PTPRN2: variants seen among roughly 807,000 people sequenced by gnomAD.
The protein encoded by PTPRN2 is protein tyrosine phosphatase receptor type N2.
A neutral mutation model predicts 118.8 loss-of-function variants in PTPRN2; 74 were observed. The observed-to-expected ratio is 0.62, with a 90% CI of 0.52 to 0.76. PTPRN2 has a LOEUF of 0.76. Ranked by LOEUF, PTPRN2 falls within the 30% of genes least tolerant of loss-of-function variation. The pLI is 0.00. For missense variants in PTPRN2, 1,481 were observed against 1,394.4 expected (o/e 1.06, Z -0.99); for synonymous variants, 641 against 608.0 (o/e 1.05, Z -0.80).
intron 2 of PTPRN2, among the ~76,000 whole-genome samples, chr7:158,450,419 CATAGAT>C (rs1318078668): frequency 6.6e-6 from 1 of 152,194 alleles, no homozygotes; most frequent in Non-Finnish European, 1.5e-5. Flanking sequence ...TTTTTAACCT[CATAGAT>C]ATAATAGAGA....
At chr7:158,421,731 C>T (rs1339030527) in intron 2 of PTPRN2, among the ~76,000 whole-genome samples, 11 of 152,218 alleles carry the variant, frequency 7.2e-5, no homozygotes, top group South Asian at 2.1e-4. Flanking sequence ...TTCTCCGCAG[C>T]ATGTTCTGGG....
chr7:157,714,097 A>G (rs1039512335), intron 12 of PTPRN2, among the ~76,000 whole-genome samples: 2 of 152,220 alleles, frequency 1.3e-5, no homozygotes, highest in African/African-American at 2.4e-5. Context: ...TGCTGACTAT[A>G]TGACGATGAC....
At position 158,525,160 on chromosome 7, in the gene PTPRN2, C is replaced by T. The variant is rs1020797501; in HGVS notation, c.113-35375G>A. On this transcript the variant is annotated intron_variant, in intron 1 of 22. Coordinates refer to ENST00000389418, the MANE Select transcript of PTPRN2 (RefSeq NM_002847.5). This position sits in a 1 kb window ranked among gnomAD's most constrained non-coding sequence, Gnocchi z 4.1. Reference sequence around the variant, plus strand: ...TGCACAGTGCTGGACTTCCCAGCTCCAGGCTCTGGAGCCGGCTGCAGAGCA... The same window carrying T: ...TGCACAGTGCTGGACTTCCCAGCTCTAGGCTCTGGAGCCGGCTGCAGAGCA... 2.6e-5 allele frequency among the ~76,000 whole-genome samples: 4 copies of T among 152,180 alleles called. No individual in the cohort carries two copies. The highest frequency in any genetic ancestry group is 9.7e-5 in the African/African-American group (4 of 41,446).
intron 2 of PTPRN2, among the ~76,000 whole-genome samples, chr7:158,329,706 T>C (rs1469026814): frequency 1.3e-5 from 2 of 152,268 alleles, no homozygotes; most frequent in Middle Eastern, 3.4e-3. Context: ...CGTATTATTA[T>C]CCCATTGACG....
intron 10 of PTPRN2, among the ~76,000 whole-genome samples, chr7:158,084,362 G>C (rs914915808): frequency 2.0e-5 from 3 of 151,730 alleles, no homozygotes; most frequent in Non-Finnish European, 4.4e-5. Context: ...CTTCTGGGTA[G>C]GGAGTGAGGT....
At chr7:158,321,256 C>T (rs765164894) in intron 2 of PTPRN2, among the ~76,000 whole-genome samples, 2 of 152,142 alleles carry the variant, frequency 1.3e-5, no homozygotes, top group African/African-American at 2.4e-5. Context: ...GCCTCACCGC[C>T]GACCATTTAA....
chr7:157,594,238 C>A (rs1276682013), intron 17 of PTPRN2, among the ~76,000 whole-genome samples: 1 of 152,158 alleles, frequency 6.6e-6, no homozygotes, highest in Non-Finnish European at 1.5e-5. Flanking sequence ...CGGAGTCACG[C>A]GAGGCTGACG....
intron 17 of PTPRN2, among the ~76,000 whole-genome samples, chr7:157,580,516 C>T (rs1293848745): frequency 1.1e-4 from 17 of 148,514 alleles, no homozygotes; most frequent in Non-Finnish European, 1.9e-4. Context: ...GGCACCTGCA[C>T]ACCCCAGCAC....
chr7:158,307,826 T>C (rs555709512), intron 3 of PTPRN2, among the ~76,000 whole-genome samples: 1 of 152,242 alleles, frequency 6.6e-6, no homozygotes, highest in Admixed American at 6.5e-5. Flanking sequence ...CATGAATGGA[T>C]TAATCCACTC....
At chr7:157,993,720 G>T (rs1016893551) in intron 11 of PTPRN2, among the ~76,000 whole-genome samples, 3 of 152,210 alleles carry the variant, frequency 2.0e-5, no homozygotes, top group Non-Finnish European at 4.4e-5. Flanking sequence ...ACGGGTCCAG[G>T]ACAGCAGGAA....
intron 11 of PTPRN2, among the ~76,000 whole-genome samples, chr7:157,962,781 C>A (rs1801639229): frequency 6.6e-6 from 1 of 152,140 alleles, no homozygotes; most frequent in Admixed American, 6.5e-5. Flanking sequence ...ATAATCTCAG[C>A]CTCACCCCAG....
intron 17 of PTPRN2, among the ~76,000 whole-genome samples, chr7:157,582,384 G>T (rs548596381): frequency 4.6e-5 from 7 of 152,182 alleles, no homozygotes; most frequent in Non-Finnish European, 1.0e-4. Flanking sequence ...CAAATGGCCC[G>T]CACGTATGTG....
Position 158,448,098 on chromosome 7 carries a change from C to T in PTPRN2, c.163+41637G>A, listed in dbSNP as rs181476351. Among the ~76,000 whole-genome samples the T allele has an allele frequency of 9.2e-5, 14 of 152,300 alleles. No homozygotes were observed. The East Asian group carries it at 2.7e-3, about 30-fold the overall frequency. On this transcript the variant is annotated intron_variant, in intron 2 of 22. Coordinates refer to ENST00000389418, the MANE Select transcript of PTPRN2 (RefSeq NM_002847.5). ...TGCCCCACTCCAGCCACTCCACCGC[C>T]AGGGCTGCTTTCTGGGACCACTCCC...
intron 11 of PTPRN2, among the ~76,000 whole-genome samples, chr7:157,905,609 C>T (rs895193043): frequency 5.3e-5 from 8 of 152,202 alleles, no homozygotes; most frequent in Non-Finnish European, 1.0e-4. Flanking sequence ...CAGACTAATT[C>T]TTTGCACTTG....
intron 11 of PTPRN2, among the ~76,000 whole-genome samples, chr7:157,908,664 G>T (rs1797912456): frequency 6.6e-6 from 1 of 152,150 alleles, no homozygotes; most frequent in South Asian, 2.1e-4. Flanking sequence ...CAACTGCAGG[G>T]ATCTCAGAGC....
chr7:158,132,416 C>A (rs191814896), intron 9 of PTPRN2, among the ~76,000 whole-genome samples: 1 of 151,096 alleles, frequency 6.6e-6, no homozygotes, highest in African/African-American at 2.4e-5. Context: ...CACATCTACC[C>A]GACACACACT....
At chr7:157,767,435 C>G (rs764926587) in intron 12 of PTPRN2, among the ~76,000 whole-genome samples, 5 of 152,218 alleles carry the variant, frequency 3.3e-5, no homozygotes, top group Non-Finnish European at 7.3e-5. Flanking sequence ...GATAATGATG[C>G]CTGACACTTT....
chr7:157,731,531 G>A (rs1799910439), intron 12 of PTPRN2, among the ~76,000 whole-genome samples: 1 of 147,814 alleles, frequency 6.8e-6, no homozygotes, highest in Non-Finnish European at 1.5e-5. Context: ...CCCGTCCCAT[G>A]CGCCCAGCAC....
intron 13 of PTPRN2, among the ~76,000 whole-genome samples, chr7:157,682,089 A>C (rs944441010): frequency 1.3e-5 from 2 of 152,244 alleles, no homozygotes; most frequent in African/African-American, 4.8e-5. Context: ...AATGTGCGCC[A>C]TAGAACTTCC....
Sources: allele counts gnomAD v4.1 joint callset (sites outside exome capture counted in the v4.1 genomes callset), GRCh38; gene constraint gnomAD v4.1.1; non-coding constraint Gnocchi (gnomAD v3.1); transcripts MANE v1.5; gene names NCBI Gene and HGNC (gene_info 2026-07-23, HGNC 2026-07-21).